AKAP12: variants seen among roughly 807,000 people sequenced by gnomAD.
AKAP12 encodes the protein A-kinase anchoring protein 12.
A neutral mutation model predicts 79.9 loss-of-function variants in AKAP12; 32 were observed. The observed-to-expected ratio is 0.40, with a 90% CI of 0.30 to 0.54. AKAP12 has a LOEUF of 0.54. AKAP12 is among the 20% of genes least tolerant of loss of function. AKAP12 has a pLI of 0.48. For missense variants in AKAP12, 2,074 were observed against 2,177.0 expected (o/e 0.95, Z 0.94); for synonymous variants, 808 against 857.0 (o/e 0.94, Z 1.00).
chr6:151,250,961 TAAAG>T (rs1473367538), intron 2 of AKAP12, among the ~76,000 whole-genome samples: 1 of 152,100 alleles, frequency 6.6e-6, no homozygotes, highest in Non-Finnish European at 1.5e-5. Flanking sequence ...CTTTGGGAGA[TAAAG>T]AAATAAAAAC....
At chr6:151,256,467 C>T (rs1797299445) in intron 2 of AKAP12, among the ~76,000 whole-genome samples, 1 of 151,878 alleles carries the variant, frequency 6.6e-6, no homozygotes, top group Non-Finnish European at 1.5e-5. Context: ...AATATAAAGC[C>T]AATAATTACC....
chr6:151,254,319 G>A (rs1190731816), intron 2 of AKAP12, among the ~76,000 whole-genome samples: 4 of 151,706 alleles, frequency 2.6e-5, no homozygotes, highest in Non-Finnish European at 4.4e-5. Context: ...AGGAACTAAA[G>A]TTTAGTCTGA....
chr6:151,322,248 T>A (rs1248173185), intron 3 of AKAP12, among the ~76,000 whole-genome samples: 1 of 151,998 alleles, frequency 6.6e-6, no homozygotes. Flanking sequence ...TCCTAGTGGG[T>A]GTGAGGTGGT....
intron 2 of AKAP12, among the ~76,000 whole-genome samples, chr6:151,297,325 C>T (rs568150036): frequency 6.6e-6 from 1 of 152,026 alleles, no homozygotes; most frequent in African/African-American, 2.4e-5. Flanking sequence ...ACCTGTAATC[C>T]CAGCACTTTG....
intron 3 of AKAP12, among the ~76,000 whole-genome samples, chr6:151,318,327 A>G (rs1233692070): frequency 4.6e-5 from 7 of 152,244 alleles, no homozygotes; most frequent in African/African-American, 1.7e-4. Context: ...GTGCTTTTAT[A>G]GCAGCCCAAA....
intron 2 of AKAP12, among the ~76,000 whole-genome samples, chr6:151,272,600 A>T (rs1204557573): frequency 2.6e-5 from 4 of 151,844 alleles, no homozygotes; most frequent in Admixed American, 2.6e-4. Context: ...GCTCACTGCA[A>T]CCTCGGCTCA....
chr6:151,329,358 C>T (rs771823419), intron 3 of AKAP12, among the ~76,000 whole-genome samples: 2 of 152,124 alleles, frequency 1.3e-5, no homozygotes, highest in African/African-American at 2.4e-5. Context: ...TCAGGTGATC[C>T]ACCCGCCTCA....
Position 151,285,315 on chromosome 6 carries a change from A to G in AKAP12, c.163-20432A>G, listed in dbSNP as rs185610361. On this transcript the variant is annotated intron_variant, in intron 2 of 4. Transcript: ENST00000402676. ...TGTTTTCCTGTCTTGGCAGTGATTCACATTACTGAGTTTGCTATTGAACTA... is the reference window on the plus strand; with the variant it reads ...TGTTTTCCTGTCTTGGCAGTGATTCGCATTACTGAGTTTGCTATTGAACTA... Among the ~76,000 whole-genome samples, 398 of 151,994 alleles carry G rather than the reference A, an allele frequency of 2.6e-3. 3 individuals carry two copies. The highest frequency in any genetic ancestry group is 8.4e-3 in the African/African-American group (348 of 41,408).
chr6:151,280,757 C>T (rs375745774), intron 2 of AKAP12: 1 of 148,640 alleles, frequency 6.7e-6, no homozygotes, highest in Middle Eastern at 3.5e-3. Context: ...CCTCCCACTT[C>T]AGCCCCCCGA....
intron 3 of AKAP12, among the ~76,000 whole-genome samples, chr6:151,326,852 C>T (rs753312242): frequency 6.6e-6 from 1 of 151,848 alleles, no homozygotes; most frequent in African/African-American, 2.4e-5. Context: ...GAGTCTTGCT[C>T]TTTCGCCAGA....
At chr6:151,264,272 C>G (rs1428401848) in intron 2 of AKAP12, among the ~76,000 whole-genome samples, 1 of 150,430 alleles carries the variant, frequency 6.6e-6, no homozygotes, top group African/African-American at 2.4e-5. Flanking sequence ...CCTGCTGGCT[C>G]TAAAACTAGT....
rs536347844 is a variant in AKAP12, at chr6:151,321,790, A to G, written c.319+15887A>G. 2.0e-5 allele frequency among the ~76,000 whole-genome samples: 3 copies of G among 151,100 alleles called. No homozygotes were observed. In the South Asian group the frequency reaches 6.3e-4, roughly 32 times the overall value. ...TTTTCCAAAGTGGCTGTACCATTTTACCTTCCCAATAGCGATGTGTGAGGG... is the reference window on the plus strand; with the variant it reads ...TTTTCCAAAGTGGCTGTACCATTTTGCCTTCCCAATAGCGATGTGTGAGGG... On this transcript the variant is annotated intron_variant, in intron 3 of 4. Coordinates refer to ENST00000402676, the MANE Select transcript of AKAP12 (RefSeq NM_005100.4).
intron 3 of AKAP12, chr6:151,323,923 T>C (rs980176712): frequency 2.0e-6 from 2 of 985,248 alleles, no homozygotes; most frequent in Non-Finnish European, 2.4e-6. Context: ...CACCCACGGC[T>C]CCTGGGACAT....
intron 2 of AKAP12, among the ~76,000 whole-genome samples, chr6:151,253,873 A>AT (rs776433390): frequency 7.1e-4 from 107 of 151,638 alleles, no homozygotes; most frequent in Admixed American, 1.6e-3. Context: ...CACCTGGCTA[A>AT]TTTTTTTGTA....
chr6:151,334,518 C>T (rs6933524), intron 3 of AKAP12, among the ~76,000 whole-genome samples: 1 of 151,216 alleles, frequency 6.6e-6, no homozygotes, highest in Non-Finnish European at 1.5e-5. Flanking sequence ...TCGCTGGAAC[C>T]CTGGAGGCAG....
chr6:151,262,939 C>G (rs1797466504), intron 2 of AKAP12, among the ~76,000 whole-genome samples: 1 of 152,156 alleles, frequency 6.6e-6, no homozygotes, highest in Non-Finnish European at 1.5e-5. Flanking sequence ...GGTCTCAATT[C>G]CCTTATACTC....
rs1254518595 is a variant in AKAP12 at position 151,349,315 on chromosome 6, C to T, written c.924C>T (p.Arg308=). ...KFFTQGWAGW[R]KKTSFRKPKE... ...TCACTCAAGGTTGGGCCGGCTGGCG[C>T]AAAAAGACCAGTTTCAGGAAGCCGA... Residue 308 remains arginine (R), a synonymous_variant, in exon 4 of 5, where the codon CGC becomes CGT. Coordinates refer to ENST00000402676, the MANE Select transcript of AKAP12 (RefSeq NM_005100.4). 1.2e-6 allele frequency: 2 copies of T among 1,613,506 alleles called. No homozygotes were observed. The highest frequency in any genetic ancestry group is 1.7e-5 in the Admixed American group (1 of 59,814).
intron 3 of AKAP12, among the ~76,000 whole-genome samples, chr6:151,313,639 G>A (rs1388719011): frequency 6.6e-6 from 1 of 152,188 alleles, no homozygotes; most frequent in Non-Finnish European, 1.5e-5. Flanking sequence ...ATTCAAGTCT[G>A]ACAGTGCAGT....
chr6:151,249,681 T>G (rs1301020063), intron 2 of AKAP12, among the ~76,000 whole-genome samples: 1 of 152,252 alleles, frequency 6.6e-6, no homozygotes, highest in African/African-American at 2.4e-5. Flanking sequence ...TACCATTGAT[T>G]AAAAAGTTAC....
Sources: allele counts gnomAD v4.1 joint callset (sites outside exome capture counted in the v4.1 genomes callset), GRCh38; gene constraint gnomAD v4.1.1; transcripts MANE v1.5; gene names NCBI Gene and HGNC (gene_info 2026-07-23, HGNC 2026-07-21).